The following PTPRN2 variants were observed in gnomAD, a reference collection of about 807,000 sequenced individuals.
PTPRN2 encodes protein tyrosine phosphatase receptor type N2, also known as receptor-type tyrosine-protein phosphatase N2.
A neutral mutation model predicts 118.8 loss-of-function variants in PTPRN2; 74 were observed. The observed-to-expected ratio is 0.62, with a 90% CI of 0.52 to 0.76. PTPRN2 has a LOEUF of 0.76. Among genes scored for constraint, PTPRN2 ranks in the 30% least tolerant of loss-of-function variants. PTPRN2 has a pLI of 0.00. For missense variants in PTPRN2, 1,481 were observed against 1,394.4 expected, an observed-to-expected ratio of 1.06 and a Z score of -0.99; for synonymous variants, 641 against 608.0, an observed-to-expected ratio of 1.05 and a Z score of -0.80.
intron 1 of PTPRN2, among the ~76,000 whole-genome samples, chr7:158,516,185 G>A (rs1198161028): frequency 6.6e-6 from 1 of 152,152 alleles, no homozygotes; most frequent in South Asian, 2.1e-4. Context: ...ACAATTAAAA[G>A]TGAATCATTC....
At chr7:158,557,847 C>T (rs1586939380) in intron 1 of PTPRN2, among the ~76,000 whole-genome samples, 1 of 152,228 alleles carries the variant, frequency 6.6e-6, no homozygotes. Flanking sequence ...CCCCGTGGTC[C>T]ACTCTCCTAG....
At chr7:158,261,966 T>C (rs1269914400) in intron 3 of PTPRN2, among the ~76,000 whole-genome samples, 1 of 152,220 alleles carries the variant, frequency 6.6e-6, no homozygotes, top group African/African-American at 2.4e-5. Flanking sequence ...GCCGTACTTC[T>C]GCCCCTCCTC....
chr7:157,842,180 G>T (rs762206058), intron 12 of PTPRN2, among the ~76,000 whole-genome samples: 1 of 152,090 alleles, frequency 6.6e-6, no homozygotes, highest in African/African-American at 2.4e-5. Context: ...CCCTTTGTGC[G>T]TGGGGCTGTG....
At chr7:158,330,266 A>G (rs62480871) in intron 2 of PTPRN2, among the ~76,000 whole-genome samples, 58 of 16,076 alleles carry the variant, frequency 3.6e-3, no homozygotes, top group African/African-American at 4.9e-3. Flanking sequence ...AAGAGCTGAC[A>G]CCCGCAGACG....
chr7:157,981,284 C>T (rs527970116), intron 11 of PTPRN2, among the ~76,000 whole-genome samples: 1 of 151,570 alleles, frequency 6.6e-6, no homozygotes, highest in Non-Finnish European at 1.5e-5. Flanking sequence ...ATGGAGAAGG[C>T]TTCCATAGTC....
intron 11 of PTPRN2, among the ~76,000 whole-genome samples, chr7:158,044,837 G>C (rs760622591): frequency 5.9e-5 from 9 of 152,202 alleles, no homozygotes; most frequent in Non-Finnish European, 1.0e-4. Context: ...AAGTACAAAA[G>C]AGTCTGCTGC....
intron 6 of PTPRN2, among the ~76,000 whole-genome samples, chr7:158,146,410 T>G (rs573666913): frequency 6.6e-6 from 1 of 152,188 alleles, no homozygotes; most frequent in East Asian, 1.9e-4. Context: ...GATCAAAGCC[T>G]GGGAACAAAC....
At chr7:158,568,224 G>T (rs1352674090) in intron 1 of PTPRN2, among the ~76,000 whole-genome samples, 1 of 152,118 alleles carries the variant, frequency 6.6e-6, no homozygotes, top group African/African-American at 2.4e-5. Context: ...CTGCACTCCA[G>T]CCTGGGCAAG....
At chr7:158,279,436 T>C (rs1367791136) in intron 3 of PTPRN2, among the ~76,000 whole-genome samples, 1 of 152,134 alleles carries the variant, frequency 6.6e-6, no homozygotes, top group East Asian at 1.9e-4. Flanking sequence ...CAGGACTTTG[T>C]GGCCCCTAGC....
chr7:158,123,483 A>G (rs928322976), intron 9 of PTPRN2, among the ~76,000 whole-genome samples: 1 of 152,094 alleles, frequency 6.6e-6, no homozygotes, highest in African/African-American at 2.4e-5. Context: ...GTCTAATGTC[A>G]GGGTCTGGGA....
chr7:158,523,108 G>C (rs1409056710), intron 1 of PTPRN2, among the ~76,000 whole-genome samples: 2 of 152,176 alleles, frequency 1.3e-5, no homozygotes, highest in Admixed American at 6.5e-5. Flanking sequence ...CAAGATAAGA[G>C]CGCAGGAGGC....
rs1253042562 is a variant in PTPRN2 at position 157,974,311 on chromosome 7, AC to A, written c.1724-75575del. Among the ~76,000 whole-genome samples, 3 of 152,206 alleles carry A rather than the reference AC, an allele frequency of 2.0e-5. No individual in the cohort carries two copies. The highest frequency in any genetic ancestry group is 2.0e-4 in the Admixed American group (3 of 15,284). On this transcript the variant is annotated intron_variant, in intron 11 of 22. Transcript: ENST00000389418. The surrounding 1 kb of genome is among the most constrained non-coding windows in gnomAD (Gnocchi z 4.0). ...CCACTCCAGCCGGGCCACCCTGCCCACAAGGTCTTCCACGGGGCTCCTCCCC... is the reference window on the plus strand; with the variant it reads ...CCACTCCAGCCGGGCCACCCTGCCCAAAGGTCTTCCACGGGGCTCCTCCCC...
chr7:158,020,473 G>A (rs1806789553), intron 11 of PTPRN2, among the ~76,000 whole-genome samples: 1 of 152,198 alleles, frequency 6.6e-6, no homozygotes, highest in African/African-American at 2.4e-5. Flanking sequence ...AGGGAGGGGC[G>A]AGGGCACAGA....
At chr7:158,434,014 G>C (rs1238349838) in intron 2 of PTPRN2, among the ~76,000 whole-genome samples, 1 of 151,122 alleles carries the variant, frequency 6.6e-6, no homozygotes, top group Non-Finnish European at 1.5e-5. Flanking sequence ...TTTTCCATTT[G>C]TTTTTAGCTT....
In PTPRN2 at chr7:157,918,412, A is replaced by AG. The variant is rs577951448; in HGVS notation, c.1724-19676dup. Among the ~76,000 whole-genome samples, 362 of 152,360 alleles carry AG rather than the reference A, an allele frequency of 2.4e-3. 3 individuals carry two copies. The highest frequency in any genetic ancestry group is 7.9e-3 in the African/African-American group (330 of 41,588). On this transcript the variant is annotated intron_variant, in intron 11 of 22. Coordinates refer to ENST00000389418, the MANE Select transcript of PTPRN2 (RefSeq NM_002847.5). ...ACAGGTAAACCATCGAAGGAACAGGAGGGAAGCTGAGGAGCTGGAAGGCGT... is the reference window on the plus strand; with the variant it reads ...ACAGGTAAACCATCGAAGGAACAGGAGGGGAAGCTGAGGAGCTGGAAGGCGT...
At chr7:158,584,147 G>A (rs74943110) in intron 1 of PTPRN2, among the ~76,000 whole-genome samples, 77 of 152,224 alleles carry the variant, frequency 5.1e-4, no homozygotes, top group Middle Eastern at 6.8e-3. Context: ...CTGGATTCTC[G>A]AAGCAAAATC....
intron 12 of PTPRN2, among the ~76,000 whole-genome samples, chr7:157,700,851 C>G (rs1240053108): frequency 6.6e-6 from 1 of 152,214 alleles, no homozygotes; most frequent in Non-Finnish European, 1.5e-5. Flanking sequence ...CTCTCCCCAT[C>G]GAGGAACCCT....
intron 10 of PTPRN2, among the ~76,000 whole-genome samples, chr7:158,109,764 T>C (rs1211819340): frequency 2.0e-5 from 3 of 150,258 alleles, no homozygotes; most frequent in African/African-American, 7.4e-5. Flanking sequence ...CACCCCTGTG[T>C]GAAGCGTCAG....
intron 11 of PTPRN2, among the ~76,000 whole-genome samples, chr7:157,992,931 C>T (rs952197999): frequency 3.9e-5 from 6 of 152,254 alleles, no homozygotes; most frequent in South Asian, 2.1e-4. Context: ...GAGACAGACG[C>T]GTGGCGGCCG....
Sources: allele counts gnomAD v4.1 joint callset (sites outside exome capture counted in the v4.1 genomes callset), GRCh38; gene constraint gnomAD v4.1.1; non-coding constraint Gnocchi (gnomAD v3.1); transcripts MANE v1.5; gene names NCBI Gene and HGNC (gene_info 2026-07-23, HGNC 2026-07-21).